Variants in MYLK observed in about 807,000 individuals in gnomAD.
The protein encoded by MYLK is myosin light chain kinase, smooth muscle.
MYLK carries 106 observed loss-of-function variants against 203.4 expected under a neutral mutation model. The observed-to-expected ratio is 0.52, with a 90% CI of 0.45 to 0.61. The LOEUF (loss-of-function observed/expected upper bound fraction) is 0.61. Ranked by LOEUF, MYLK falls within the 20% of genes least tolerant of loss-of-function variation. MYLK has a pLI of 0.00. For synonymous variants in MYLK, 867 were observed against 959.5 expected (o/e 0.90, Z 1.78); for missense variants, 2,072 against 2,442.3 (o/e 0.85, Z 3.20).
At chr3:123,751,470 A>C (rs1392033072) in intron 5 of MYLK, among the ~76,000 whole-genome samples, 1 of 152,260 alleles carries the variant, frequency 6.6e-6, no homozygotes, top group Non-Finnish European at 1.5e-5. Context: ...ATATGTTAAC[A>C]CATTGATGTG....
At chr3:123,757,922 G>C (rs572750915) in intron 4 of MYLK, among the ~76,000 whole-genome samples, 2 of 152,286 alleles carry the variant, frequency 1.3e-5, no homozygotes, top group South Asian at 4.1e-4. Flanking sequence ...AAGAGGACTG[G>C]TGATTAAAAA....
intron 19 of MYLK, among the ~76,000 whole-genome samples, chr3:123,689,214 G>C (rs2060571739): frequency 6.6e-6 from 1 of 152,212 alleles, no homozygotes; most frequent in Admixed American, 6.5e-5. Context: ...CCTGAGTTGA[G>C]AATGACTGGA....
chr3:123,705,147 G>A (rs2061413421), intron 16 of MYLK, among the ~76,000 whole-genome samples: 1 of 149,248 alleles, frequency 6.7e-6, no homozygotes, highest in African/African-American at 2.5e-5. Context: ...CCGGACCCCC[G>A]GCTTCCTCCC....
rs147764682 is a variant in MYLK, at chr3:123,649,639, C to T, written c.4289-445G>A. On this transcript the variant is annotated intron_variant, in intron 24 of 33. Coordinates refer to ENST00000360304, the MANE Select transcript of MYLK (RefSeq NM_053025.4). ...TTGTTGACGGCATCCCAGCACTGGA[C>T]CAAGCATCTTGAATGCCAGTTATTG... Among the ~76,000 whole-genome samples the T allele has an allele frequency of 2.0e-5, 3 of 152,326 alleles. No homozygotes were observed. The East Asian group carries it at 5.8e-4, about 29-fold the overall frequency.
chr3:123,759,491 C>G (rs1187423891), intron 4 of MYLK, among the ~76,000 whole-genome samples: 1 of 152,150 alleles, frequency 6.6e-6, no homozygotes, highest in Non-Finnish European at 1.5e-5. Context: ...TGTGGTTTGA[C>G]GTGGTTTTGA....
intron 2 of MYLK, among the ~76,000 whole-genome samples, chr3:123,837,661 G>A (rs906595703): frequency 1.3e-5 from 2 of 151,720 alleles, no homozygotes; most frequent in African/African-American, 4.8e-5. Flanking sequence ...TAGTGCACTT[G>A]CATCACCTGT....
At chr3:123,744,503 C>T (rs1327260235) in intron 5 of MYLK, among the ~76,000 whole-genome samples, 14 of 152,172 alleles carry the variant, frequency 9.2e-5, no homozygotes. Context: ...AGACAAGTTA[C>T]AGACCACTGA....
intron 4 of MYLK, among the ~76,000 whole-genome samples, chr3:123,765,557 A>C (rs1034618723): frequency 6.6e-6 from 1 of 152,040 alleles, no homozygotes; most frequent in Non-Finnish European, 1.5e-5. Context: ...AGGAAAAAAA[A>C]CAAAAGAAAA....
At chr3:123,766,421 G>A (rs2063705854) in intron 4 of MYLK, among the ~76,000 whole-genome samples, 1 of 152,240 alleles carries the variant, frequency 6.6e-6, no homozygotes, top group Non-Finnish European at 1.5e-5. Context: ...TGAGGACCAT[G>A]GGAGCACGGA....
chr3:123,759,207 A>G (rs1403679527), intron 4 of MYLK, among the ~76,000 whole-genome samples: 2 of 152,184 alleles, frequency 1.3e-5, no homozygotes, highest in East Asian at 3.9e-4. Flanking sequence ...TTTTCATAGC[A>G]AAACAGATGT....
intron 2 of MYLK, among the ~76,000 whole-genome samples, chr3:123,842,885 G>A (rs1463100955): frequency 6.6e-6 from 1 of 152,240 alleles, no homozygotes; most frequent in Non-Finnish European, 1.5e-5. Context: ...TCACTAGACT[G>A]CAAGTGCCCT....
At chr3:123,846,947 T>C (rs1345860497) in intron 2 of MYLK, among the ~76,000 whole-genome samples, 1 of 152,146 alleles carries the variant, frequency 6.6e-6, no homozygotes, top group Non-Finnish European at 1.5e-5. Flanking sequence ...AATAGTACTT[T>C]AATATGTTGA....
At chr3:123,820,652 T>TTCCTTCCTTCCC (rs2065900992) in intron 3 of MYLK, among the ~76,000 whole-genome samples, 10 of 113,928 alleles carry the variant, frequency 8.8e-5, no homozygotes, top group South Asian at 8.5e-4. Flanking sequence ...CCCTCCTTCC[T>TTCCTTCCTTCCC]TCCTTCCTTC....
chr3:123,754,148 C>T (rs1366118352), intron 4 of MYLK, among the ~76,000 whole-genome samples: 1 of 152,226 alleles, frequency 6.6e-6, no homozygotes, highest in Admixed American at 6.5e-5. Context: ...CCCAGGTGCT[C>T]AGCCCCTAGC....
chr3:123,722,108 A>G lies in MYLK; in HGVS notation c.1804+20T>C. 1 of 1,559,264 alleles carries G rather than the reference A, an allele frequency of 6.4e-7. No homozygotes were observed. Among genetic ancestry groups the G allele is most frequent in the Non-Finnish European group, 8.7e-7 (1 of 1,151,424 alleles). ...GCCTGCAGGAAAGGTGCTTCTACCC[A>G]GGTGCCCAGAGGCTCCTACCATGGA... On this transcript the variant is annotated intron_variant, in intron 13 of 33. Coordinates refer to ENST00000360304, the MANE Select transcript of MYLK (RefSeq NM_053025.4).
chr3:123,620,144 A>C, intron 32 of MYLK, 63 bp downstream of exon 32: 6 of 1,434,732 alleles, frequency 4.2e-6, no homozygotes, highest in Non-Finnish European at 5.9e-6. Flanking sequence ...CAAAACCTCA[A>C]AATGCCCCTT....
chr3:123,734,243 G>A (rs1576782616), intron 9 of MYLK, 21 bp from the exon 10 acceptor site: 1 of 1,447,034 alleles, frequency 6.9e-7, no homozygotes, highest in Non-Finnish European at 9.1e-7. Context: ...GTGAGGGTGG[G>A]GGTAGGGTGG....
intron 3 of MYLK, among the ~76,000 whole-genome samples, chr3:123,807,452 G>C (rs1321198614): frequency 6.6e-6 from 1 of 151,854 alleles, no homozygotes; most frequent in Non-Finnish European, 1.5e-5. Flanking sequence ...AAAAAGCTAT[G>C]TTAAATCTTA....
At chr3:123,714,664 G>A (rs2108686262) in intron 13 of MYLK, among the ~76,000 whole-genome samples, 1 of 152,308 alleles carries the variant, frequency 6.6e-6, no homozygotes, top group Non-Finnish European at 1.5e-5. Flanking sequence ...CTGAGACTGA[G>A]CCCAGAGAGG....
Sources: gnomAD v4.1 joint callset for allele counts (sites outside exome capture counted in the v4.1 genomes callset) on GRCh38, gnomAD v4.1.1 for gene constraint, MANE v1.5 for transcripts, NCBI Gene and HGNC (gene_info 2026-07-23, HGNC 2026-07-21) for gene names.